TMEM117: variants seen among roughly 807,000 people sequenced by gnomAD.
TMEM117 encodes the protein transmembrane protein 117.
In TMEM117, 27 loss-of-function variants were observed where a neutral mutation model predicts 52.4. The ratio of observed to expected loss-of-function variants is 0.51; its 90% confidence interval spans 0.38 to 0.71. The LOEUF is 0.71. Among genes scored for constraint, TMEM117 ranks in the 30% least tolerant of loss-of-function variants. The pLI is 0.00. For missense variants in TMEM117, 556 were observed against 630.5 expected, an observed-to-expected ratio of 0.88 and a Z score of 1.26; for synonymous variants, 215 against 206.3, an observed-to-expected ratio of 1.04 and a Z score of -0.36.
At chr12:44,282,081 G>C (rs1950583418) in intron 5 of TMEM117, among the ~76,000 whole-genome samples, 1 of 152,074 alleles carries the variant, frequency 6.6e-6, no homozygotes, top group Non-Finnish European at 1.5e-5. Context: ...GGGTTTATCA[G>C]GGGTTTCCAC....
intron 4 of TMEM117, among the ~76,000 whole-genome samples, chr12:44,173,016 C>T (rs1484098321): frequency 2.6e-5 from 4 of 152,160 alleles, no homozygotes; most frequent in African/African-American, 4.8e-5. Context: ...TGGGCCACCG[C>T]GCCCGGCCGC....
intron 3 of TMEM117, among the ~76,000 whole-genome samples, chr12:43,955,079 C>G (rs1014298867): frequency 1.3e-5 from 2 of 152,150 alleles, no homozygotes; most frequent in African/African-American, 2.4e-5. Flanking sequence ...TGATAAAATT[C>G]AACACCGCTT....
rs548414326 is a variant in TMEM117 at position 43,854,089 on chromosome 12, C to T, written c.277+9161C>T. On this transcript the variant is annotated intron_variant, in intron 2 of 7. Coordinates refer to ENST00000266534, the MANE Select transcript of TMEM117 (RefSeq NM_032256.3). ...AATTCTTTGGTCTTTAAATGCCAGT[C>T]TTCTATCTTTAGACTTTATCTCTTC... Among the ~76,000 whole-genome samples, 9 of 152,222 alleles carry T rather than the reference C, an allele frequency of 5.9e-5. No homozygotes were observed. In the South Asian group the frequency reaches 1.9e-3, roughly 32 times the overall value.
intron 3 of TMEM117, among the ~76,000 whole-genome samples, chr12:44,058,994 A>C (rs1331364314): frequency 6.6e-6 from 1 of 152,158 alleles, no homozygotes; most frequent in African/African-American, 2.4e-5. Flanking sequence ...TTAGGGAAGA[A>C]ATTTTCACCT....
intron 4 of TMEM117, among the ~76,000 whole-genome samples, chr12:44,191,936 G>T (rs1949360414): frequency 6.6e-6 from 1 of 151,996 alleles, no homozygotes; most frequent in Non-Finnish European, 1.5e-5. Flanking sequence ...AAAATATATA[G>T]ACATTTTGTA....
At chr12:44,323,589 T>G (rs1195707684) in intron 6 of TMEM117, among the ~76,000 whole-genome samples, 1 of 152,168 alleles carries the variant, frequency 6.6e-6, no homozygotes, top group Non-Finnish European at 1.5e-5. Context: ...TGGTACCTGC[T>G]AAAACATTAA....
At chr12:44,386,007 C>T (rs181763762) in intron 7 of TMEM117, among the ~76,000 whole-genome samples, 1 of 152,268 alleles carries the variant, frequency 6.6e-6, no homozygotes, top group Admixed American at 6.5e-5. Context: ...AAACTATTTT[C>T]TGTCCTGCTT....
intron 5 of TMEM117, among the ~76,000 whole-genome samples, chr12:44,273,232 T>C (rs184905029): frequency 3.3e-5 from 5 of 150,098 alleles, no homozygotes; most frequent in African/African-American, 9.8e-5. Context: ...GGGGTGGAGG[T>C]GGGGGGATAG....
At chr12:44,263,579 C>A (rs542911063) in intron 5 of TMEM117, 4 of 152,334 alleles carry the variant, frequency 2.6e-5, no homozygotes, top group African/African-American at 9.6e-5. Flanking sequence ...ATAGCAAAGA[C>A]TTGGAACCAA....
chr12:44,202,441 C>T (rs373186657), intron 4 of TMEM117, among the ~76,000 whole-genome samples: 6 of 152,022 alleles, frequency 3.9e-5, no homozygotes, highest in Non-Finnish European at 7.4e-5. Flanking sequence ...GTAAATGGAT[C>T]GTATTTATTG....
chr12:44,099,961 T>C (rs1386388300), intron 3 of TMEM117, among the ~76,000 whole-genome samples: 1 of 151,512 alleles, frequency 6.6e-6, no homozygotes. Context: ...TAGTTACAGA[T>C]TGCAGAGGAA....
At chr12:44,330,563 T>TTG (rs1363199740) in intron 6 of TMEM117, among the ~76,000 whole-genome samples, 1 of 152,086 alleles carries the variant, frequency 6.6e-6, no homozygotes, top group East Asian at 1.9e-4. Flanking sequence ...TCATACTAAG[T>TTG]TGTTAGTGTG....
At chr12:43,938,190 G>A (rs1314960479) in intron 2 of TMEM117, among the ~76,000 whole-genome samples, 2 of 150,678 alleles carry the variant, frequency 1.3e-5, no homozygotes, top group Non-Finnish European at 3.0e-5. Flanking sequence ...ATGGTTTGAG[G>A]TAATGGGCCA....
intron 4 of TMEM117, among the ~76,000 whole-genome samples, chr12:44,149,610 ATAGTT>A (rs1948693401): frequency 6.6e-6 from 1 of 152,214 alleles, no homozygotes; most frequent in Non-Finnish European, 1.5e-5. Flanking sequence ...CAAGTTAAAA[ATAGTT>A]TAGTTCAAAA....
At chr12:44,143,195 G>A (rs891461217) in intron 3 of TMEM117, among the ~76,000 whole-genome samples, 11 of 152,170 alleles carry the variant, frequency 7.2e-5, no homozygotes, top group Non-Finnish European at 1.3e-4. Context: ...AAGTGTTTCT[G>A]CTCTGCTCAT....
intron 3 of TMEM117, among the ~76,000 whole-genome samples, chr12:44,062,150 ACT>A (rs1393952767): frequency 6.6e-6 from 1 of 152,224 alleles, no homozygotes; most frequent in African/African-American, 2.4e-5. Context: ...GGACCATCTG[ACT>A]GAACAATGAA....
chr12:44,017,711 A>T (rs1173407049), intron 3 of TMEM117, among the ~76,000 whole-genome samples: 1 of 152,086 alleles, frequency 6.6e-6, no homozygotes, highest in African/African-American at 2.4e-5. Flanking sequence ...CCTCTCCACC[A>T]CTTCAAAATA....
At chr12:43,970,940 G>A (rs532082610) in intron 3 of TMEM117, among the ~76,000 whole-genome samples, 125 of 151,962 alleles carry the variant, frequency 8.2e-4, no homozygotes, top group Non-Finnish European at 1.6e-3. Flanking sequence ...ACTAGAAACA[G>A]CCATTTGAAT....
At chr12:44,278,999 T>G (rs1045667755) in intron 5 of TMEM117, among the ~76,000 whole-genome samples, 2 of 152,254 alleles carry the variant, frequency 1.3e-5, no homozygotes, top group African/African-American at 4.8e-5. Flanking sequence ...GATAGTCTTC[T>G]CTACCTAATT....
Sources: gnomAD v4.1 joint callset for allele counts (sites outside exome capture counted in the v4.1 genomes callset) on GRCh38, gnomAD v4.1.1 for gene constraint, MANE v1.5 for transcripts, NCBI Gene and HGNC (gene_info 2026-07-23, HGNC 2026-07-21) for gene names.